FBP2: variants seen among roughly 807,000 people sequenced by gnomAD.
The protein encoded by FBP2 is fructose-bisphosphatase 2.
A neutral mutation model predicts 31.6 loss-of-function variants in FBP2; 27 were observed. The ratio of observed to expected loss-of-function variants is 0.85; its 90% CI spans 0.63 to 1.18. The LOEUF is 1.18. Among genes scored for constraint, FBP2 ranks in the 50% most tolerant of loss-of-function variants. The pLI is 0.00. For missense variants in FBP2, 421 were observed against 436.1 expected (o/e 0.97, Z 0.31); for synonymous variants, 168 against 179.8 (o/e 0.93, Z 0.53).
chr9:94,588,232 T>C (rs1194519154), intron 1 of FBP2, among the ~76,000 whole-genome samples: 1 of 152,180 alleles, frequency 6.6e-6, no homozygotes, highest in Non-Finnish European at 1.5e-5. Flanking sequence ...TGTGGTAGCT[T>C]GGTGTTACTT....
chr9:94,574,207 A>G (rs1315584827), intron 3 of FBP2, among the ~76,000 whole-genome samples: 2 of 152,202 alleles, frequency 1.3e-5, no homozygotes, highest in East Asian at 3.8e-4. Flanking sequence ...CAATAATTAA[A>G]TAATTGGGTA....
chr9:94,586,326 G>A (rs1041729150), intron 2 of FBP2, among the ~76,000 whole-genome samples: 15 of 152,180 alleles, frequency 9.9e-5, no homozygotes, highest in African/African-American at 3.4e-4. Flanking sequence ...AGTGAGCTGA[G>A]ATTGCGCCAT....
At chr9:94,562,147 T>TA (rs796487611) in intron 6 of FBP2, among the ~76,000 whole-genome samples, 3 of 151,704 alleles carry the variant, frequency 2.0e-5, no homozygotes, top group African/African-American at 7.2e-5. Context: ...CCGTCTCTAC[T>TA]AAAAATACAA....
chr9:94,566,478 C>G (rs1424472046), intron 5 of FBP2, among the ~76,000 whole-genome samples: 1 of 152,266 alleles, frequency 6.6e-6, no homozygotes, highest in African/African-American at 2.4e-5. Context: ...CCCTTCCTTT[C>G]CCATAAGGGA....
Position 94,571,479 on chromosome 9 carries a change from G to A in FBP2, c.550C>T (p.Leu184Phe). 1.2e-6 allele frequency: 2 copies of A among 1,612,862 alleles called. No individual in the cohort carries two copies. The highest frequency in any genetic ancestry group is 1.7e-6 in the Non-Finnish European group (2 of 1,179,456). ...VALSTGQGVD[L>F]FMLDPALGEF... ...GTACCTACCGGGTCAAGCATGAAGA[G>A]GTCCACGCCTTGCCCTGTGGAGAGA... The change falls in exon 4 of 7, where the codon CTC (leucine) becomes TTC (phenylalanine). Residue 184 changes from leucine to phenylalanine, a missense_variant. Coordinates refer to ENST00000375337, the MANE Select transcript of FBP2 (RefSeq NM_003837.4).
intron 3 of FBP2, among the ~76,000 whole-genome samples, chr9:94,573,883 C>T (rs1031465942): frequency 6.6e-6 from 1 of 152,156 alleles, no homozygotes; most frequent in African/African-American, 2.4e-5. Flanking sequence ...CTGGAAGAGA[C>T]TGAATAATCT....
chr9:94,590,664 C>T (rs1170293955), intron 1 of FBP2, among the ~76,000 whole-genome samples: 2 of 152,122 alleles, frequency 1.3e-5, no homozygotes, highest in African/African-American at 4.8e-5. Flanking sequence ...CAGCGTGGAC[C>T]CAAAGAGTGA....
chr9:94,590,128 A>G lies in FBP2; in HGVS notation c.171-2659T>C, dbSNP rs542229396. 1.3e-3 allele frequency among the ~76,000 whole-genome samples: 191 copies of G among 152,180 alleles called. 1 individual carries two copies. The highest frequency in any genetic ancestry group is 9.0e-4 in the Non-Finnish European group (61 of 68,004). ...GGGCAGCACCCCTCCTCCTAGAAAG[A>G]ATGGAAACTCACCAGGAGATGTGAG... On this transcript the variant is annotated intron_variant, in intron 1 of 6. Transcript: ENST00000375337.
chr9:94,588,005 C>A (rs936957167), intron 1 of FBP2, among the ~76,000 whole-genome samples: 1 of 152,026 alleles, frequency 6.6e-6, no homozygotes, highest in African/African-American at 2.4e-5. Flanking sequence ...CCCGCCACCA[C>A]GCCCGGCTAA....
At chr9:94,586,146 C>T (rs111715227) in intron 2 of FBP2, among the ~76,000 whole-genome samples, 3,403 of 152,252 alleles carry the variant, frequency 0.022, 142 homozygotes, top group African/African-American at 0.077. Flanking sequence ...GAGCCTGAGG[C>T]GGGTGGATCA....
intron 2 of FBP2, among the ~76,000 whole-genome samples, 190 bp downstream of exon 2, chr9:94,587,117 C>G (rs1056586267): frequency 1.3e-5 from 2 of 152,234 alleles, no homozygotes; most frequent in African/African-American, 4.8e-5. Context: ...AATCACTGTC[C>G]TACTGTGGAG....
chr9:94,585,398 C>T (rs1260465888), intron 2 of FBP2, among the ~76,000 whole-genome samples: 1 of 151,996 alleles, frequency 6.6e-6, no homozygotes, highest in Non-Finnish European at 1.5e-5. Flanking sequence ...TCAGCGATCC[C>T]GGCAGCAAGG....
At chr9:94,574,727 T>C (rs1279510496) in intron 3 of FBP2, among the ~76,000 whole-genome samples, 1 of 152,168 alleles carries the variant, frequency 6.6e-6, no homozygotes, top group African/African-American at 2.4e-5. Flanking sequence ...ACAAATATTC[T>C]TGTCTTTTCT....
intron 1 of FBP2, among the ~76,000 whole-genome samples, chr9:94,592,092 C>T (rs1446821863): frequency 1.3e-5 from 2 of 152,170 alleles, no homozygotes; most frequent in Non-Finnish European, 2.9e-5. Flanking sequence ...CAGGGAGAGG[C>T]AAAGTCCCTG....
chr9:94,573,689 G>A (rs1827291079), intron 3 of FBP2, among the ~76,000 whole-genome samples: 1 of 152,186 alleles, frequency 6.6e-6, no homozygotes, highest in African/African-American at 2.4e-5. Context: ...CTCAGCCATG[G>A]TGTATAATTT....
At chr9:94,590,049 C>T (rs1827474602) in intron 1 of FBP2, among the ~76,000 whole-genome samples, 1 of 152,096 alleles carries the variant, frequency 6.6e-6, no homozygotes, top group Admixed American at 6.5e-5. Context: ...AATGCCCCCT[C>T]ATCCGCCTAA....
intron 1 of FBP2, among the ~76,000 whole-genome samples, chr9:94,592,110 T>C (rs1433053869): frequency 1.3e-5 from 2 of 152,146 alleles, no homozygotes; most frequent in African/African-American, 4.8e-5. Flanking sequence ...CTGTCTACCG[T>C]CACTCAGCAG....
chr9:94,575,588 T>C (rs1827307995), intron 3 of FBP2, among the ~76,000 whole-genome samples: 1 of 152,246 alleles, frequency 6.6e-6, no homozygotes, highest in Admixed American at 6.5e-5. Flanking sequence ...TCTCCATCTT[T>C]GGGCAGACAC....
At chr9:94,588,913 G>A (rs1332533603) in intron 1 of FBP2, among the ~76,000 whole-genome samples, 2 of 152,166 alleles carry the variant, frequency 1.3e-5, no homozygotes, top group Admixed American at 6.5e-5. Context: ...TGACTGCCCA[G>A]TGGCCTTGCT....
Sources: gnomAD v4.1 joint callset for allele counts (sites outside exome capture counted in the v4.1 genomes callset) on GRCh38, gnomAD v4.1.1 for gene constraint, MANE v1.5 for transcripts, NCBI Gene and HGNC (gene_info 2026-07-23, HGNC 2026-07-21) for gene names.